The following CENPW variants were observed in gnomAD, a reference collection of about 807,000 sequenced individuals.
The protein encoded by CENPW is cancer-up-regulated gene 2 protein.
CENPW carries 3 observed loss-of-function variants against 11.1 expected under a neutral mutation model. The observed-to-expected ratio is 0.27, with a 90% confidence interval of 0.12 to 0.70. The LOEUF (loss-of-function observed/expected upper bound fraction) is 0.70, where lower values mean the gene tolerates loss of function less well. Among genes scored for constraint, CENPW ranks in the 30% least tolerant of loss-of-function variants. The pLI is 0.77. For synonymous variants in CENPW, 38 were observed against 42.0 expected (o/e 0.91, Z 0.37); for missense variants, 100 against 105.6 (o/e 0.95, Z 0.23).
chr6:126,369,620 G>A, the CENPW span, among the ~76,000 whole-genome samples: 1 of 152,070 alleles, frequency 6.6e-6, no homozygotes, highest in South Asian at 2.1e-4. Context: ...TTTTTGTTGG[G>A]ATTGTTTGGT....
At chr6:126,482,265 G>T in the CENPW span, among the ~76,000 whole-genome samples, 4 of 152,060 alleles carry the variant, frequency 2.6e-5, no homozygotes, top group Non-Finnish European at 4.4e-5. Flanking sequence ...ATGTTCTAAA[G>T]CCAGATAAGT....
chr6:126,406,908 T>C, the CENPW span, among the ~76,000 whole-genome samples: 3 of 152,084 alleles, frequency 2.0e-5, no homozygotes, highest in African/African-American at 7.2e-5. Flanking sequence ...AGTCCTGGGC[T>C]TTCCTTTGCT....
chr6:126,389,323 CT>C, the CENPW span, among the ~76,000 whole-genome samples: 1 of 151,766 alleles, frequency 6.6e-6, no homozygotes, highest in South Asian at 2.1e-4. Context: ...TGTAAGAGTA[CT>C]TTGTTTTTTG....
the CENPW span, among the ~76,000 whole-genome samples, chr6:126,422,647 T>C: frequency 6.6e-6 from 1 of 152,092 alleles, no homozygotes; most frequent in Admixed American, 6.6e-5. Flanking sequence ...ATCTTCATCG[T>C]TTTTTACCAT....
At chr6:126,446,440 A>G in the CENPW span, among the ~76,000 whole-genome samples, 1 of 148,468 alleles carries the variant, frequency 6.7e-6, no homozygotes, top group African/African-American at 2.5e-5. Context: ...TTATAATTTG[A>G]TTACTGAGAC....
the CENPW span, among the ~76,000 whole-genome samples, chr6:126,478,184 C>G: frequency 1.3e-5 from 2 of 151,936 alleles, no homozygotes; most frequent in Non-Finnish European, 2.9e-5. Context: ...ATAGCTTCTC[C>G]CTGACTTAAT....
At chr6:126,462,532 T>TCA in the CENPW span, among the ~76,000 whole-genome samples, 1,910 of 111,858 alleles carry the variant, frequency 0.017, 23 homozygotes, top group Non-Finnish European at 0.022. Flanking sequence ...TCTCTCTCTC[T>TCA]CACACACACA....
chr6:126,406,271 A>G, the CENPW span, among the ~76,000 whole-genome samples: 14 of 148,022 alleles, frequency 9.5e-5, no homozygotes, highest in African/African-American at 2.5e-5. Flanking sequence ...AATGTTAAAC[A>G]TCCTTGCTCC....
Position 126,340,491 on chromosome 6 carries a change from T to G in CENPW, c.126+92T>G, listed in dbSNP as rs773673369. ...CTTTGTTTTTCCGCCCCGAGCCAAT[T>G]TATAGCTCTTTCAGGCCCCTGTTTA... On this transcript the variant is annotated intron_variant, in intron 1 of 2. Coordinates refer to ENST00000368328, the MANE Select transcript of CENPW (RefSeq NM_001012507.4). 6 of 1,588,346 alleles carry G rather than the reference T, an allele frequency of 3.8e-6. No homozygotes were observed. In the Admixed American group the frequency reaches 6.7e-5, roughly 18 times the overall value.
At chr6:126,464,389 G>A in the CENPW span, among the ~76,000 whole-genome samples, 1 of 152,094 alleles carries the variant, frequency 6.6e-6, no homozygotes, top group African/African-American at 2.4e-5. Context: ...AGGATGCAAA[G>A]TATTGTTTCT....
At chr6:126,369,111 AT>A in the CENPW span, among the ~76,000 whole-genome samples, 69,140 of 148,728 alleles carry the variant, frequency 0.46, 17,329 homozygotes, top group East Asian at 0.97. Flanking sequence ...TGCAAATGCC[AT>A]TTTTTTTTTT....
chr6:126,477,783 T>C, the CENPW span, among the ~76,000 whole-genome samples: 1 of 152,070 alleles, frequency 6.6e-6, no homozygotes, highest in South Asian at 2.1e-4. Context: ...TCTTGCTATC[T>C]TGCACATTAT....
At chr6:126,378,696 C>A in the CENPW span, among the ~76,000 whole-genome samples, 1 of 152,170 alleles carries the variant, frequency 6.6e-6, no homozygotes, top group East Asian at 1.9e-4. Context: ...AAGTCCAGAA[C>A]AGGAGGATGA....
intron 2 of CENPW, among the ~76,000 whole-genome samples, chr6:126,347,620 G>T (rs1241688872): frequency 6.6e-6 from 1 of 151,782 alleles, no homozygotes; most frequent in Non-Finnish European, 1.5e-5. Flanking sequence ...TGCATGTCTT[G>T]GCATTTTCTA....
the CENPW span, among the ~76,000 whole-genome samples, chr6:126,466,500 G>T: frequency 1.3e-5 from 2 of 151,944 alleles, no homozygotes; most frequent in Non-Finnish European, 2.9e-5. Flanking sequence ...AGATAAGCAG[G>T]GCAGGAGACA....
the CENPW span, among the ~76,000 whole-genome samples, chr6:126,395,315 T>G: frequency 1.2e-4 from 18 of 152,170 alleles, no homozygotes; most frequent in Non-Finnish European, 1.8e-4. Context: ...AATTCTGCTA[T>G]TAAGAGACTT....
At chr6:126,463,575 GA>G in the CENPW span, among the ~76,000 whole-genome samples, 1 of 151,482 alleles carries the variant, frequency 6.6e-6, no homozygotes, top group Admixed American at 6.6e-5. Flanking sequence ...AACTGATCAG[GA>G]AAAAAAGGAG....
At chr6:126,444,078 G>T in the CENPW span, among the ~76,000 whole-genome samples, 1 of 145,712 alleles carries the variant, frequency 6.9e-6, no homozygotes, top group African/African-American at 2.5e-5. Context: ...CTTTATAAGT[G>T]ACTTGGTCTT....
chr6:126,425,724 A>G, the CENPW span, among the ~76,000 whole-genome samples: 8 of 152,068 alleles, frequency 5.3e-5, no homozygotes, highest in South Asian at 6.2e-4. Context: ...TGAGATAGCC[A>G]CCAAATATGC....
Sources: allele counts gnomAD v4.1 joint callset (sites outside exome capture counted in the v4.1 genomes callset), GRCh38; gene constraint gnomAD v4.1.1; transcripts MANE v1.5; gene names NCBI Gene and HGNC (gene_info 2026-07-23, HGNC 2026-07-21).